Variants in TMTC2 observed in about 807,000 individuals in gnomAD.
TMTC2 encodes transmembrane O-mannosyltransferase targeting cadherins 2, also known as protein O-mannosyl-transferase TMTC2.
A neutral mutation model predicts 82.4 loss-of-function variants in TMTC2; 43 were observed. That is an observed-to-expected ratio of 0.52 (90% confidence interval 0.41 to 0.67). The LOEUF is 0.67. TMTC2 is among the 30% of genes least tolerant of loss of function. The pLI is 0.00. For synonymous variants in TMTC2, 408 were observed against 381.9 expected (o/e 1.07, Z -0.80); for missense variants, 919 against 1,012.4 (o/e 0.91, Z 1.25).
At chr12:82,846,890 G>T (rs1870711854) in intron 1 of TMTC2, among the ~76,000 whole-genome samples, 1 of 152,048 alleles carries the variant, frequency 6.6e-6, no homozygotes, top group South Asian at 2.1e-4. Context: ...ATAAAAACAA[G>T]CAAATTTGGA....
At chr12:82,785,731 A>G (rs1878147858) in intron 1 of TMTC2, among the ~76,000 whole-genome samples, 1 of 152,122 alleles carries the variant, frequency 6.6e-6, no homozygotes, top group Admixed American at 6.5e-5. Context: ...AACCTGATTT[A>G]CAATCCTGAA....
At chr12:82,926,355 C>A (rs534255722) in intron 3 of TMTC2, among the ~76,000 whole-genome samples, 1 of 152,178 alleles carries the variant, frequency 6.6e-6, no homozygotes, top group Non-Finnish European at 1.5e-5. Flanking sequence ...TAACCCAGAA[C>A]AAGTTCCTTA....
intron 11 of TMTC2, among the ~76,000 whole-genome samples, chr12:83,080,092 A>G (rs546512025): frequency 7.9e-5 from 12 of 152,290 alleles, no homozygotes; most frequent in African/African-American, 2.9e-4. Context: ...CAGTATACTG[A>G]TTGACACAGT....
chr12:83,126,302 G>A (rs1885095129), intron 11 of TMTC2, among the ~76,000 whole-genome samples: 1 of 152,102 alleles, frequency 6.6e-6, no homozygotes, highest in South Asian at 2.1e-4. Flanking sequence ...TTCTCCTGGG[G>A]ATGGTCAGGA....
rs1877372878 is a variant in TMTC2, at chr12:82,951,990, C to A, written c.1599-13034C>A. Among the ~76,000 whole-genome samples, 5 of 152,222 alleles carry A rather than the reference C, an allele frequency of 3.3e-5. No individual in the cohort carries two copies. The South Asian group carries it at 1.0e-3, about 32-fold the overall frequency. On this transcript the variant is annotated intron_variant, in intron 4 of 11. Coordinates refer to ENST00000321196, the MANE Select transcript of TMTC2 (RefSeq NM_152588.3). Reference sequence around the variant, plus strand: ...TTTGCTTGGTCCTCGAATACAAAGTCTGCTATCCTAAGATAACCTAAAAGT... The same window carrying A: ...TTTGCTTGGTCCTCGAATACAAAGTATGCTATCCTAAGATAACCTAAAAGT...
intron 11 of TMTC2, among the ~76,000 whole-genome samples, chr12:83,081,933 G>T (rs1883486563): frequency 6.6e-6 from 1 of 152,022 alleles, no homozygotes; most frequent in Non-Finnish European, 1.5e-5. Flanking sequence ...AGTGAACTAT[G>T]ATCACACCAC....
intron 1 of TMTC2, among the ~76,000 whole-genome samples, chr12:82,772,304 T>G (rs1877352159): frequency 1.3e-5 from 2 of 152,194 alleles, no homozygotes; most frequent in South Asian, 4.1e-4. Flanking sequence ...AAGAAAAGGT[T>G]TTAACTTTTA....
intron 4 of TMTC2, among the ~76,000 whole-genome samples, chr12:82,938,141 T>C (rs1423017798): frequency 6.6e-6 from 1 of 151,898 alleles, no homozygotes; most frequent in African/African-American, 2.4e-5. Context: ...CTCGAACTCC[T>C]GACCTGAGGT....
chr12:82,783,094 A>G (rs1325836792), intron 1 of TMTC2, among the ~76,000 whole-genome samples: 1 of 152,122 alleles, frequency 6.6e-6, no homozygotes, highest in Non-Finnish European at 1.5e-5. Context: ...ATGAACTTGG[A>G]TGCTAAATGA....
At chr12:83,108,882 T>G (rs1245402572) in intron 11 of TMTC2, among the ~76,000 whole-genome samples, 2 of 152,212 alleles carry the variant, frequency 1.3e-5, no homozygotes, top group Non-Finnish European at 2.9e-5. Flanking sequence ...AAGTTTATTC[T>G]TATTAATATG....
intron 1 of TMTC2, among the ~76,000 whole-genome samples, chr12:82,849,792 T>C (rs1870877687): frequency 6.6e-6 from 1 of 152,176 alleles, no homozygotes; most frequent in South Asian, 2.1e-4. Flanking sequence ...TAGTACTAGC[T>C]TCAGGTATGA....
At chr12:83,069,310 C>A (rs1332752178) in intron 11 of TMTC2, among the ~76,000 whole-genome samples, 2 of 152,128 alleles carry the variant, frequency 1.3e-5, no homozygotes, top group Non-Finnish European at 2.9e-5. Context: ...TACATTCCCA[C>A]CAGCAGTGTA....
intron 1 of TMTC2, among the ~76,000 whole-genome samples, chr12:82,711,067 C>T (rs1033944036): frequency 6.6e-6 from 1 of 152,126 alleles, no homozygotes; most frequent in African/African-American, 2.4e-5. Context: ...AGGATGCAAG[C>T]TTCTGGTAAG....
intron 1 of TMTC2, among the ~76,000 whole-genome samples, chr12:82,816,494 T>C (rs1389434263): frequency 6.6e-6 from 1 of 152,072 alleles, no homozygotes; most frequent in Non-Finnish European, 1.5e-5. Context: ...GATTAGATGG[T>C]AACAGTGGTG....
intron 7 of TMTC2, among the ~76,000 whole-genome samples, chr12:82,983,737 G>C (rs1003816625): frequency 6.6e-6 from 1 of 151,928 alleles, no homozygotes; most frequent in African/African-American, 2.4e-5. Context: ...ATTTCAGTTT[G>C]ATTTTGTATG....
rs1025576521 is a variant in TMTC2, at chr12:83,022,083, A to G, written c.2071-8715A>G. 4 of 142,502 alleles carry G rather than the reference A, an allele frequency of 2.8e-5. No homozygotes were observed. The Admixed American group carries it at 2.9e-4, about 10-fold the overall frequency. 8.8% of individuals were successfully genotyped at this position (142,502 alleles called of 1,614,324 possible). A position where few individuals can be genotyped will look rare whatever the true frequency, so the allele number is the denominator to read the frequency against. On this transcript the variant is annotated intron_variant, in intron 8 of 11. Transcript: ENST00000321196. ...AACATGTGGCATTCAAATTGAAATG[A>G]ATTTTCACTACCAAAAAAAAAAGAA...
chr12:82,976,914 T>A (rs989502464), intron 7 of TMTC2, among the ~76,000 whole-genome samples: 1 of 152,038 alleles, frequency 6.6e-6, no homozygotes, highest in African/African-American at 2.4e-5. Flanking sequence ...TAAATTCAAG[T>A]AGATACATAA....
At chr12:82,735,840 G>T (rs1005020059) in intron 1 of TMTC2, among the ~76,000 whole-genome samples, 1 of 151,878 alleles carries the variant, frequency 6.6e-6, no homozygotes, top group East Asian at 2.0e-4. Flanking sequence ...AAAAAAATTA[G>T]CCTGGCGTGG....
chr12:83,123,788 A>G (rs528356641), intron 11 of TMTC2, among the ~76,000 whole-genome samples: 38 of 152,290 alleles, frequency 2.5e-4, no homozygotes, highest in African/African-American at 8.2e-4. Context: ...GATGCTACCC[A>G]CCAATTTCAA....
Sources: allele counts gnomAD v4.1 joint callset (sites outside exome capture counted in the v4.1 genomes callset), GRCh38; gene constraint gnomAD v4.1.1; transcripts MANE v1.5; gene names NCBI Gene and HGNC (gene_info 2026-07-23, HGNC 2026-07-21).